The following PRR23C variants were observed in gnomAD, a reference collection of about 807,000 sequenced individuals.
PRR23C encodes the protein proline-rich protein 23C.
In PRR23C, 1 loss-of-function variant was observed where a neutral mutation model predicts 0.1. The observed-to-expected ratio is 6.80, with a 90% CI of 2.41 to 32.24. The LOEUF is 32.24. PRR23C is among the 30% of genes most tolerant of loss of function. The probability of loss-of-function intolerance (pLI) is 0.11; values close to 1 mark genes in which losing one functional copy is unlikely to be tolerated. For missense variants in PRR23C, 361 were observed against 370.4 expected (o/e 0.97, Z 0.21); for synonymous variants, 172 against 168.1 (o/e 1.02, Z -0.18).
At position 139,044,631 on chromosome 3, in the gene PRR23C, G is replaced by T; in HGVS notation, c.-11C>A. 1 of 1,487,174 alleles carries T rather than the reference G, an allele frequency of 6.7e-7. No individual in the cohort carries two copies. Among genetic ancestry groups the T allele is most frequent in the South Asian group, 1.3e-5 (1 of 75,240 alleles). 92.1% of individuals were successfully genotyped at this position (1,487,174 alleles called of 1,614,324 possible). A position where few individuals can be genotyped will look rare whatever the true frequency, so the allele number is the denominator to read the frequency against. On this transcript the variant is annotated 5_prime_UTR_variant, in exon 1 of 1. Coordinates refer to ENST00000413199, the MANE Select transcript of PRR23C (RefSeq NM_001134657.1). This position sits in a 1 kb window ranked among gnomAD's most constrained non-coding sequence, Gnocchi z 7.5. ...GGGCCGGCTGCCCATCACCTCGACG[G>T]CGCTGCGGACGGCGCTCCTGGGCCT...
chr3:139,044,873 A>G lies in PRR23C; in HGVS notation c.-253T>C, dbSNP rs528154167. On this transcript the variant is annotated 5_prime_UTR_variant, in exon 1 of 1. Coordinates refer to ENST00000413199, the MANE Select transcript of PRR23C (RefSeq NM_001134657.1). The surrounding 1 kb of genome is among the most constrained non-coding windows in gnomAD (Gnocchi z 7.5). ...CTTCCTGACGCAGACCCGGATGCGC[A>G]CTGCAAAGCCAATTATGTTGTAAAT... 3.5e-4 allele frequency: 169 copies of G among 489,174 alleles called. No homozygotes were observed. Among genetic ancestry groups the G allele is most frequent in the Non-Finnish European group, 3.1e-4 (84 of 273,634 alleles). The allele number at this position is 489,174 out of a possible 1,614,324, so 30.3% of individuals were successfully genotyped here.
Position 139,044,372 on chromosome 3 carries a change from C to G in PRR23C, c.249G>C (p.Ala83=). 1.9e-6 allele frequency: 3 copies of G among 1,591,692 alleles called. No homozygotes were observed. Among genetic ancestry groups the G allele is most frequent in the Non-Finnish European group, 2.6e-6 (3 of 1,169,554 alleles). The change falls in exon 1 of 1, where the codon GCG becomes GCC. Residue 83 remains alanine, a synonymous_variant. Coordinates refer to ENST00000413199, the MANE Select transcript of PRR23C (RefSeq NM_001134657.1). The surrounding 1 kb of genome is among the most constrained non-coding windows in gnomAD (Gnocchi z 7.5). ...GAGACACTCGCAGGACCGACATTGG[C>G]GCGAGCTCCAGCACCAGGTCGACGT... ...LEDVDLVLEL[A]PMSVLRVSLG...
rs1277613821 is a variant in PRR23C, at chr3:139,043,893, G to A, written c.728C>T (p.Ala243Val). 2 of 1,581,036 alleles carry A rather than the reference G, an allele frequency of 1.3e-6. No individual in the cohort carries two copies. The highest frequency in any genetic ancestry group is 2.3e-5 in the East Asian group (1 of 42,726). ...AGGGCGCTCTGGGAGCTCCGGGCGC[G>A]CGTGGGGACCTGGACTCGGAGAGGG... ...LPPSPSPGPH[A>V]RPELPERPPC... Residue 243 changes from alanine (A) to valine (V), a missense_variant, in exon 1 of 1, where the codon GCG becomes GTG. Ala to Val is a moderately conservative substitution (Grantham distance 64, BLOSUM62 0). Transcript: ENST00000413199.
Position 139,042,624 on chromosome 3 carries a change from T to G in PRR23C, c.*1208A>C, listed in dbSNP as rs1559942871. The G allele has an allele frequency of 6.6e-6, 1 of 152,204 alleles. No homozygotes were observed. Among genetic ancestry groups the G allele is most frequent in the Non-Finnish European group, 1.5e-5 (1 of 68,018 alleles). The allele number at this position is 152,204 out of a possible 1,614,324, so 9.4% of individuals were successfully genotyped here. A position where few individuals can be genotyped will look rare whatever the true frequency, so the allele number is the denominator to read the frequency against. On this transcript the variant is annotated 3_prime_UTR_variant, in exon 1 of 1. Coordinates refer to ENST00000413199, the MANE Select transcript of PRR23C (RefSeq NM_001134657.1). ...TAAAGAAAAATAAGATGTATGAAGC[T>G]TGTCAAAAAAGACAATATTCTCATT...
Position 139,044,544 on chromosome 3 carries a change from G to T in PRR23C, c.77C>A (p.Ala26Asp). 6.5e-7 allele frequency: 1 copy of T among 1,543,518 alleles called. No homozygotes were observed. Among genetic ancestry groups the T allele is most frequent in the Non-Finnish European group, 8.7e-7 (1 of 1,146,046 alleles). The change falls in exon 1 of 1, where the codon GCC (alanine) becomes GAC (aspartate). Residue 26 changes from alanine to aspartate, a missense_variant. By Grantham distance (126) the Ala-to-Asp change is moderately radical. Transcript: ENST00000413199. The surrounding 1 kb of genome is among the most constrained non-coding windows in gnomAD (Gnocchi z 7.5). ...WGQQPGGPGP[A>D]KRSRLEEPAG... ...GGGCTCCTCCAATCGGCTGCGCTTG[G>T]CAGGGCCTGGTCCTCCTGGCTGCTG... is the stretch of plus-strand genomic sequence containing the variant.
At position 139,044,267 on chromosome 3, in the gene PRR23C, C is replaced by A. The variant is rs764161273; in HGVS notation, c.354G>T (p.Trp118Cys). Residue 118 changes from tryptophan to cysteine, a missense_variant, in exon 1 of 1, where the codon TGG (tryptophan) becomes TGT (cysteine). Coordinates refer to ENST00000413199, the MANE Select transcript of PRR23C (RefSeq NM_001134657.1). The surrounding 1 kb of genome is among the most constrained non-coding windows in gnomAD (Gnocchi z 7.5). The stretch of plus-strand genomic sequence containing the variant: ...AAACGTCCACTTCCAGGCCGGCAGA[C>A]CAGTCGCCCTGCGCTCCTGAGCATT... ...VDECSGAQGDWSAGLEVDVFL... is the reference protein window; with the variant it reads ...VDECSGAQGDCSAGLEVDVFL... The A allele has an allele frequency of 6.2e-7, 1 of 1,609,184 alleles. No homozygotes were observed. The highest frequency in any genetic ancestry group is 8.5e-7 in the Non-Finnish European group (1 of 1,177,758).
In PRR23C at chr3:139,042,798, C is replaced by T. The variant is rs1013435994; in HGVS notation, c.*1034G>A. The T allele has an allele frequency of 6.6e-6, 1 of 152,174 alleles. No homozygotes were observed. The highest frequency in any genetic ancestry group is 1.5e-5 in the Non-Finnish European group (1 of 68,054). The allele number at this position is 152,174 out of a possible 1,614,324, so 9.4% of individuals were successfully genotyped here. ...GGTGCGATGGCTCGTGCCTGTAATC[C>T]CAGCACTTTGGGAGGCTGAGGTGGA... On this transcript the variant is annotated 3_prime_UTR_variant, in exon 1 of 1. Coordinates refer to ENST00000413199, the MANE Select transcript of PRR23C (RefSeq NM_001134657.1).
rs1381424510 is a variant in PRR23C at position 139,042,802 on chromosome 3, C to G, written c.*1030G>C. On this transcript the variant is annotated 3_prime_UTR_variant, in exon 1 of 1. Coordinates refer to ENST00000413199, the MANE Select transcript of PRR23C (RefSeq NM_001134657.1). ...CGATGGCTCGTGCCTGTAATCCCAG[C>G]ACTTTGGGAGGCTGAGGTGGATGGA... is the stretch of plus-strand genomic sequence containing the variant. 6.6e-6 allele frequency: 1 copy of G among 152,336 alleles called. No individual in the cohort carries two copies. The allele number at this position is 152,336 out of a possible 1,614,324, so 9.4% of individuals were successfully genotyped here.
In PRR23C at chr3:139,044,339, T is replaced by C; in HGVS notation, c.282A>G (p.Gly94=). The change falls in exon 1 of 1, where the codon GGA becomes GGG. Residue 94 remains glycine, a synonymous_variant. Transcript: ENST00000413199. This position sits in a 1 kb window ranked among gnomAD's most constrained non-coding sequence, Gnocchi z 7.5. The part of the protein sequence containing the change: ...PMSVLRVSLG[G]HTLIVIPEVL... Reference sequence around the variant, plus strand: ...CCTCGGGGATCACGATGAGGGTGTGTCCACCAAGAGACACTCGCAGGACCG... The same window carrying C: ...CCTCGGGGATCACGATGAGGGTGTGCCCACCAAGAGACACTCGCAGGACCG... 1 of 1,608,582 alleles carries C rather than the reference T, an allele frequency of 6.2e-7. No homozygotes were observed. The highest frequency in any genetic ancestry group is 2.2e-5 in the East Asian group (1 of 44,610).
In PRR23C at chr3:139,043,806, G is replaced by A. The variant is rs1937165988; in HGVS notation, c.*26C>T. The A allele has an allele frequency of 6.7e-7, 1 of 1,499,848 alleles. No homozygotes were observed. Among genetic ancestry groups the A allele is most frequent in the Non-Finnish European group, 8.9e-7 (1 of 1,124,046 alleles). 92.9% of individuals were successfully genotyped at this position (1,499,848 alleles called of 1,614,324 possible). A position where few individuals can be genotyped will look rare whatever the true frequency, so the allele number is the denominator to read the frequency against. On this transcript the variant is annotated 3_prime_UTR_variant, in exon 1 of 1. Transcript: ENST00000413199. ...GAGACGGTCTCCTGGAGCCCAGCAGGGTGGCAAGGGATTGTGGGAGGCAAC... is the reference window on the plus strand; with the variant it reads ...GAGACGGTCTCCTGGAGCCCAGCAGAGTGGCAAGGGATTGTGGGAGGCAAC...
chr3:139,043,831 C>T lies in PRR23C; in HGVS notation c.*1G>A. The T allele has an allele frequency of 2.0e-6, 3 of 1,527,302 alleles. No homozygotes were observed. The highest frequency in any genetic ancestry group is 2.6e-6 in the Non-Finnish European group (3 of 1,137,230). 94.6% of individuals were successfully genotyped at this position (1,527,302 alleles called of 1,614,324 possible). A position where few individuals can be genotyped will look rare whatever the true frequency, so the allele number is the denominator to read the frequency against. The stretch of plus-strand genomic sequence containing the variant: ...GGTGGCAAGGGATTGTGGGAGGCAA[C>T]TCATTCCTGGAACAGGCGTCTTCGG... On this transcript the variant is annotated 3_prime_UTR_variant, in exon 1 of 1. Transcript: ENST00000413199.
Position 139,043,301 on chromosome 3 carries a change from C to T in PRR23C, c.*531G>A, listed in dbSNP as rs1353777920. 2 of 152,734 alleles carry T rather than the reference C, an allele frequency of 1.3e-5. No homozygotes were observed. Among genetic ancestry groups the T allele is most frequent in the Admixed American group, 1.3e-4 (2 of 15,302 alleles). 9.5% of individuals were successfully genotyped at this position (152,734 alleles called of 1,614,324 possible). ...TGTTTTGCAAACAACAAACATTTGT[C>T]CAGGTACAACTATGTGCAAGATCAC... On this transcript the variant is annotated 3_prime_UTR_variant, in exon 1 of 1. Coordinates refer to ENST00000413199, the MANE Select transcript of PRR23C (RefSeq NM_001134657.1).
rs1384993586 is a variant in PRR23C, at chr3:139,042,144, C to A, written c.*1688G>T. 2.6e-5 allele frequency: 4 copies of A among 152,222 alleles called. No homozygotes were observed. The East Asian group carries it at 7.7e-4, about 29-fold the overall frequency. The allele number at this position is 152,222 out of a possible 1,614,324, so 9.4% of individuals were successfully genotyped here. ...TTTCTTTAATTTTTAACATTTAAAA[C>A]CTTAAATGCACCCTACAGTTACTGC... On this transcript the variant is annotated 3_prime_UTR_variant, in exon 1 of 1. Transcript: ENST00000413199.
In PRR23C at chr3:139,044,642, G is replaced by A. The variant is rs538999877; in HGVS notation, c.-22C>T. Reference sequence around the variant, plus strand: ...CCATCACCTCGACGGCGCTGCGGACGGCGCTCCTGGGCCTGGCAGGGGACG... The same window carrying A: ...CCATCACCTCGACGGCGCTGCGGACAGCGCTCCTGGGCCTGGCAGGGGACG... On this transcript the variant is annotated 5_prime_UTR_variant, in exon 1 of 1. Transcript: ENST00000413199. The surrounding 1 kb of genome is among the most constrained non-coding windows in gnomAD (Gnocchi z 7.5). The A allele has an allele frequency of 2.7e-6, 4 of 1,466,998 alleles. No homozygotes were observed. The Admixed American group carries it at 8.2e-5, about 30-fold the overall frequency. The allele number at this position is 1,466,998 out of a possible 1,614,324, so 90.9% of individuals were successfully genotyped here.
In PRR23C at chr3:139,043,756, G is replaced by C; in HGVS notation, c.*76C>G. 8 of 1,323,956 alleles carry C rather than the reference G, an allele frequency of 6.0e-6. No individual in the cohort carries two copies. The highest frequency in any genetic ancestry group is 7.1e-6 in the Non-Finnish European group (7 of 982,312). 82.0% of individuals were successfully genotyped at this position (1,323,956 alleles called of 1,614,324 possible). On this transcript the variant is annotated 3_prime_UTR_variant, in exon 1 of 1. Transcript: ENST00000413199. ...ACTCTCCGAGATCCTTGTAGGTTGCGCAACATACACACAACGGCTATCAGG... is the reference window on the plus strand; with the variant it reads ...ACTCTCCGAGATCCTTGTAGGTTGCCCAACATACACACAACGGCTATCAGG...
chr3:139,044,086 A>G lies in PRR23C; in HGVS notation c.535T>C (p.Tyr179His), dbSNP rs1461163262. ...CTGAACATACTTCTAGCGGAGGGGTAGAGCCCAGCGGCTGAGCCGGCTGCG... is the reference window on the plus strand; with the variant it reads ...CTGAACATACTTCTAGCGGAGGGGTGGAGCCCAGCGGCTGAGCCGGCTGCG... ...DSAAGSAAGL[Y>H]PSARSMFSPY... is the part of the protein sequence containing the mutation. Residue 179 changes from tyrosine to histidine, a missense_variant, in exon 1 of 1, where the codon TAC (tyrosine) becomes CAC (histidine). Physicochemically the swap from Tyr to His is moderately conservative, Grantham distance 83 (BLOSUM62 2). Transcript: ENST00000413199. This position sits in a 1 kb window ranked among gnomAD's most constrained non-coding sequence, Gnocchi z 7.5. 1.2e-6 allele frequency: 2 copies of G among 1,613,418 alleles called. No individual in the cohort carries two copies. Among genetic ancestry groups the G allele is most frequent in the Admixed American group, 1.7e-5 (1 of 59,926 alleles).
At position 139,044,478 on chromosome 3, in the gene PRR23C, G is replaced by A. The variant is rs1446391803; in HGVS notation, c.143C>T (p.Pro48Leu). 4.3e-5 allele frequency: 67 copies of A among 1,541,028 alleles called. No homozygotes were observed. Among genetic ancestry groups the A allele is most frequent in the Non-Finnish European group, 5.6e-5 (64 of 1,143,800 alleles). The change falls in exon 1 of 1, where the codon CCG (proline) becomes CTG (leucine). Residue 48 changes from proline (P) to leucine (L), a missense_variant. Physicochemically the swap from Pro to Leu is moderately conservative, Grantham distance 98. Coordinates refer to ENST00000413199, the MANE Select transcript of PRR23C (RefSeq NM_001134657.1). This position sits in a 1 kb window ranked among gnomAD's most constrained non-coding sequence, Gnocchi z 7.5. ...ESRAAPSPED[P>L]AGTPAVDALT... Reference sequence around the variant, plus strand: ...CGCGTCCACGGCCGGGGTCCCCGCCGGGTCTTCCGGGCTGGGCGCCGCTCG... The same window carrying A: ...CGCGTCCACGGCCGGGGTCCCCGCCAGGTCTTCCGGGCTGGGCGCCGCTCG...
chr3:139,044,650 T>A lies in PRR23C; in HGVS notation c.-30A>T. 1.4e-6 allele frequency: 2 copies of A among 1,463,452 alleles called. No individual in the cohort carries two copies. Among genetic ancestry groups the A allele is most frequent in the Non-Finnish European group, 1.8e-6 (2 of 1,117,564 alleles). 90.7% of individuals were successfully genotyped at this position (1,463,452 alleles called of 1,614,324 possible). A position where few individuals can be genotyped will look rare whatever the true frequency, so the allele number is the denominator to read the frequency against. ...TCGACGGCGCTGCGGACGGCGCTCC[T>A]GGGCCTGGCAGGGGACGTGGGTGCG... is the stretch of plus-strand genomic sequence containing the variant. On this transcript the variant is annotated 5_prime_UTR_variant, in exon 1 of 1. Coordinates refer to ENST00000413199, the MANE Select transcript of PRR23C (RefSeq NM_001134657.1). The surrounding 1 kb of genome is among the most constrained non-coding windows in gnomAD (Gnocchi z 7.5).
At position 139,044,676 on chromosome 3, in the gene PRR23C, G is replaced by T. The variant is rs1937184281; in HGVS notation, c.-56C>A. Reference sequence around the variant, plus strand: ...GGGCCTGGCAGGGGACGTGGGTGCGGGGGGCTCGGGGCGGCGAAGTCCTCT... The same window carrying T: ...GGGCCTGGCAGGGGACGTGGGTGCGTGGGGCTCGGGGCGGCGAAGTCCTCT... On this transcript the variant is annotated 5_prime_UTR_variant, in exon 1 of 1. Coordinates refer to ENST00000413199, the MANE Select transcript of PRR23C (RefSeq NM_001134657.1). This position sits in a 1 kb window ranked among gnomAD's most constrained non-coding sequence, Gnocchi z 7.5. 1 of 1,429,818 alleles carries T rather than the reference G, an allele frequency of 7.0e-7. No individual in the cohort carries two copies. 88.6% of individuals were successfully genotyped at this position (1,429,818 alleles called of 1,614,324 possible).
Sources: gnomAD v4.1 joint callset for allele counts on GRCh38, gnomAD v4.1.1 for gene constraint, Gnocchi (gnomAD v3.1) non-coding constraint, MANE v1.5 for transcripts, NCBI Gene and HGNC (gene_info 2026-07-23, HGNC 2026-07-21) for gene names.